ZNRF3: variants seen among roughly 807,000 people sequenced by gnomAD.
ZNRF3 encodes E3 ubiquitin-protein ligase ZNRF3.
ZNRF3 carries 23 observed loss-of-function variants against 72.5 expected under a neutral mutation model. The observed-to-expected ratio is 0.32, with a 90% CI of 0.23 to 0.45. The LOEUF (loss-of-function observed/expected upper bound fraction) is 0.45, where lower values mean the gene tolerates loss of function less well. Ranked by LOEUF, ZNRF3 falls within the 20% of genes least tolerant of loss-of-function variation. The probability of loss-of-function intolerance (pLI) is 1.00; values close to 1 mark genes in which losing one functional copy is unlikely to be tolerated. For missense variants in ZNRF3, 1,169 were observed against 1,272.1 expected (o/e 0.92, Z 1.23); for synonymous variants, 610 against 545.3 (o/e 1.12, Z -1.65).
Position 29,049,679 on chromosome 22 carries a change from C to A in ZNRF3, c.1498C>A (p.Pro500Thr). The change falls in exon 8 of 9, where the codon CCT becomes ACT. Residue 500 changes from proline (P) to threonine (T), a missense_variant. Around this residue, in one of 2 missense-constraint regions of ZNRF3, gnomAD observed 783 missense variants for 731.4 expected, o/e 1.07. Coordinates refer to ENST00000544604, the MANE Select transcript of ZNRF3 (RefSeq NM_001206998.2). This position sits in a 1 kb window ranked among gnomAD's most constrained non-coding sequence, Gnocchi z 5.2. ...ACCCCGGGGCCCGGCCCGTGCCTTTCCTCCGAGCGGCAGTGGCAGCCTGCT... is the reference window on the plus strand; with the variant it reads ...ACCCCGGGGCCCGGCCCGTGCCTTTACTCCGAGCGGCAGTGGCAGCCTGCT... ...LAPRGPARAF[P>T]PSGSGSLLFP... 6.2e-7 allele frequency: 1 copy of A among 1,608,362 alleles called. No individual in the cohort carries two copies.
chr22:29,048,549 C>A lies in ZNRF3; in HGVS notation c.1015+58C>A. ...AGTCAAGTGCCTAGCTAGAGTGTGACACACACCGCAGGCTTGGGAACACTC... is the reference window on the plus strand; with the variant it reads ...AGTCAAGTGCCTAGCTAGAGTGTGAAACACACCGCAGGCTTGGGAACACTC... On this transcript the variant is annotated intron_variant, in intron 7 of 8. Coordinates refer to ENST00000544604, the MANE Select transcript of ZNRF3 (RefSeq NM_001206998.2). The surrounding 1 kb of genome is among the most constrained non-coding windows in gnomAD (Gnocchi z 4.9). 1 of 1,540,378 alleles carries A rather than the reference C, an allele frequency of 6.5e-7. No individual in the cohort carries two copies. The highest frequency in any genetic ancestry group is 9.0e-7 in the Non-Finnish European group (1 of 1,114,418).
At chr22:28,956,268 G>A (rs1015553034) in intron 1 of ZNRF3, among the ~76,000 whole-genome samples, 4 of 152,124 alleles carry the variant, frequency 2.6e-5, no homozygotes, top group Admixed American at 6.5e-5. Flanking sequence ...GGTAGAGAGG[G>A]TGATGGATAG....
chr22:28,883,988 C>A lies in ZNRF3; in HGVS notation c.222C>A (p.Tyr74Ter). 7.6e-7 allele frequency: 1 copy of A among 1,323,178 alleles called. No individual in the cohort carries two copies. The allele number at this position is 1,323,178 out of a possible 1,614,324, so 82.0% of individuals were successfully genotyped here. The change falls in exon 1 of 9, where the codon TAC becomes TAA. Residue 74 changes from tyrosine (Y) to a stop codon, truncating the protein, a stop_gained. Transcript: ENST00000544604. LOFTEE classifies it high-confidence loss of function. This position sits in a 1 kb window ranked among gnomAD's most constrained non-coding sequence, Gnocchi z 5.5. ...TCGAGTCGAGCCCAAGCGGCGATTA[C>A]ACCACCTACACCACCGGCCTCACGG... ...VLFESSPSGD[Y>*]TTYTTGLTGR... is the part of the protein sequence containing the mutation.
At chr22:28,885,748 T>G (rs1428891522) in intron 1 of ZNRF3, among the ~76,000 whole-genome samples, 2 of 152,210 alleles carry the variant, frequency 1.3e-5, no homozygotes, top group Non-Finnish European at 2.9e-5. Flanking sequence ...ATGAGGAGTG[T>G]TATGCTTTGG....
chr22:29,053,203 C>T (rs2037238482), intron 8 of ZNRF3, among the ~76,000 whole-genome samples: 1 of 152,168 alleles, frequency 6.6e-6, no homozygotes, highest in Non-Finnish European at 1.5e-5. Context: ...ACCTACACAC[C>T]TTCTGTTCAC....
rs1431482864 is a variant in ZNRF3, at chr22:29,054,068, C to T, written c.*446C>T. 1.3e-5 allele frequency: 2 copies of T among 152,770 alleles called. No individual in the cohort carries two copies. Among genetic ancestry groups the T allele is most frequent in the African/African-American group, 4.8e-5 (2 of 41,370 alleles). The allele number at this position is 152,770 out of a possible 1,614,324, so 9.5% of individuals were successfully genotyped here. A position where few individuals can be genotyped will look rare whatever the true frequency, so the allele number is the denominator to read the frequency against. On this transcript the variant is annotated 3_prime_UTR_variant, in exon 9 of 9. Coordinates refer to ENST00000544604, the MANE Select transcript of ZNRF3 (RefSeq NM_001206998.2). ...ACATCATGTGTAGATACTGTTGTCT[C>T]CCTGAAGGGAGCTCAGGCCTTTGAA... is the stretch of plus-strand genomic sequence containing the variant.
intron 2 of ZNRF3, among the ~76,000 whole-genome samples, chr22:29,035,806 C>G (rs2036856157): frequency 6.6e-6 from 1 of 152,062 alleles, no homozygotes; most frequent in South Asian, 2.1e-4. Context: ...TCTCGAACTC[C>G]TGAACTAAGG....
chr22:29,038,521 CAGTCTTGCTATATTGCCCAGGCT>C (rs1169614063), intron 2 of ZNRF3, among the ~76,000 whole-genome samples: 1 of 151,960 alleles, frequency 6.6e-6, no homozygotes, highest in African/African-American at 2.4e-5. Context: ...TTTGTGGAGA[CAGTCTTGCTATATTGCCCAGGCT>C]AGTCTTGAAC....
intron 2 of ZNRF3, chr22:29,025,590 GCT>G (rs1373817958): frequency 6.8e-6 from 1 of 147,206 alleles, no homozygotes; most frequent in Non-Finnish European, 1.5e-5. Context: ...ACGGAGTCTT[GCT>G]CTGTCACCCA....
At chr22:29,044,658 C>T in intron 4 of ZNRF3, 122 bp from the exon 5 acceptor site, 12 of 707,330 alleles carry the variant, frequency 1.7e-5, no homozygotes, top group Middle Eastern at 2.4e-4. Flanking sequence ...GAGTTTCCTG[C>T]AAATTGAGGG....
At chr22:29,021,467 CT>C (rs1314937738) in intron 2 of ZNRF3, among the ~76,000 whole-genome samples, 2 of 149,952 alleles carry the variant, frequency 1.3e-5, no homozygotes, top group African/African-American at 4.9e-5. Flanking sequence ...GTTGCAGATT[CT>C]CCCCTCACTC....
chr22:28,987,532 A>T (rs2035876840), intron 2 of ZNRF3, among the ~76,000 whole-genome samples: 1 of 152,006 alleles, frequency 6.6e-6, no homozygotes, highest in South Asian at 2.1e-4. Flanking sequence ...TTTATCTTAC[A>T]CCCTTGGGCC....
At chr22:28,982,352 C>T (rs1222506256) in intron 1 of ZNRF3, among the ~76,000 whole-genome samples, 1 of 145,700 alleles carries the variant, frequency 6.9e-6, no homozygotes, top group African/African-American at 2.6e-5. Flanking sequence ...AATTCCAGCA[C>T]TTTGGGAGGC....
At chr22:28,988,919 G>A (rs1456591869) in intron 2 of ZNRF3, among the ~76,000 whole-genome samples, 1 of 152,146 alleles carries the variant, frequency 6.6e-6, no homozygotes, top group Non-Finnish European at 1.5e-5. Flanking sequence ...TTAGCGGTGG[G>A]GAAACTTGCT....
chr22:29,039,113 CAT>C (rs1023300513), intron 2 of ZNRF3, among the ~76,000 whole-genome samples: 2 of 152,158 alleles, frequency 1.3e-5, no homozygotes, highest in Admixed American at 6.5e-5. Flanking sequence ...AACCAGGAAA[CAT>C]ATCACCATGT....
chr22:29,010,473 A>G (rs1434839438), intron 2 of ZNRF3, among the ~76,000 whole-genome samples: 1 of 152,186 alleles, frequency 6.6e-6, no homozygotes, highest in African/African-American at 2.4e-5. Flanking sequence ...TTGTATCTAC[A>G]TACCACGTTT....
intron 1 of ZNRF3, among the ~76,000 whole-genome samples, chr22:28,887,235 A>AGTGTGTGTGTGTGTGTGTGT (rs1179478685): frequency 1.1e-5 from 1 of 93,092 alleles, no homozygotes; most frequent in Admixed American, 1.1e-4. Context: ...AGAGAGAGAG[A>AGTGTGTGTGTGTGTGTGTGT]GTGTGTGTGT....
chr22:28,947,675 C>A (rs1421978347), intron 1 of ZNRF3, among the ~76,000 whole-genome samples: 1 of 152,042 alleles, frequency 6.6e-6, no homozygotes, highest in Non-Finnish European at 1.5e-5. Context: ...TGGAGAAATG[C>A]CTGTTTAGAT....
At chr22:28,996,313 C>T (rs2036044898) in intron 2 of ZNRF3, among the ~76,000 whole-genome samples, 1 of 152,190 alleles carries the variant, frequency 6.6e-6, no homozygotes. Flanking sequence ...GTGAGGTTTT[C>T]CAGGGACATC....
Sources: gnomAD v4.1 joint callset for allele counts (sites outside exome capture counted in the v4.1 genomes callset) on GRCh38, gnomAD v4.1.1 for gene constraint, gnomAD v4.1.1 regional missense constraint, Gnocchi (gnomAD v3.1) non-coding constraint, MANE v1.5 for transcripts, NCBI Gene and HGNC (gene_info 2026-07-23, HGNC 2026-07-21) for gene names.